JPH2: variants seen among roughly 807,000 people sequenced by gnomAD.
JPH2 encodes junctophilin-2.
A neutral mutation model predicts 55.9 loss-of-function variants in JPH2; 38 were observed. The ratio of observed to expected loss-of-function variants is 0.68; its 90% CI spans 0.52 to 0.89. JPH2 has a LOEUF of 0.89. JPH2 is among the 40% of genes least tolerant of loss of function. The pLI, the probability that JPH2 is intolerant of heterozygous loss-of-function variation, is 0.00. For missense variants in JPH2, 964 were observed against 1,037.6 expected, an observed-to-expected ratio of 0.93 and a Z score of 0.97; for synonymous variants, 480 against 472.4, an observed-to-expected ratio of 1.02 and a Z score of -0.21.
chr20:44,119,847 C>T (rs1264565234), intron 2 of JPH2, among the ~76,000 whole-genome samples: 1 of 148,328 alleles, frequency 6.7e-6, no homozygotes, highest in African/African-American at 2.5e-5. Flanking sequence ...GCATTCCAGC[C>T]TGGGCAACAG....
At position 44,185,669 on chromosome 20, in the gene JPH2, A is replaced by AGATGGATGGATG. The variant is rs34539425; in HGVS notation, c.379+646_379+657dup. Among the ~76,000 whole-genome samples, 1,397 of 148,034 alleles carry AGATGGATGGATG rather than the reference A, an allele frequency of 9.4e-3. 13 individuals carry two copies. The highest frequency in any genetic ancestry group is 0.022 in the African/African-American group (895 of 39,974). On this transcript the variant is annotated intron_variant, in intron 1 of 5. Transcript: ENST00000372980. ...AAAAAAGAATCCATGGATGGATCAT[A>AGATGGATGGATG]GATGGATGGATGGATGGATGGATGG...
At position 44,115,909 on chromosome 20, in the gene JPH2, A is replaced by G; in HGVS notation, c.1766T>C (p.Val589Ala). Residue 589 changes from valine (V) to alanine (A), a missense_variant, in exon 4 of 6, where the codon GTC (valine) becomes GCC (alanine). Coordinates refer to ENST00000372980, the MANE Select transcript of JPH2 (RefSeq NM_020433.5). ...CGAGGGCGCGGACTCGGACCCGGAG[A>G]CCTCGGGCTCGGGCTGGTCCTCAAA... Reference protein sequence around the residue: ...PPFEDQPEPEVSGSESAPSSP... With the variant: ...PPFEDQPEPEASGSESAPSSP... 1 of 1,572,652 alleles carries G rather than the reference A, an allele frequency of 6.4e-7. No individual in the cohort carries two copies.
intron 2 of JPH2, among the ~76,000 whole-genome samples, chr20:44,154,325 A>G (rs1378578266): frequency 1.3e-5 from 2 of 152,266 alleles, no homozygotes; most frequent in Non-Finnish European, 2.9e-5. Context: ...TAACCATTTC[A>G]ATATGTAATC....
rs1375227453 is a variant in JPH2, at chr20:44,110,679, C to T, written c.*2839G>A. ...CTCCTGACCTCAAGTGATCCACCTGCCTCAGCCTCCTCTAACGTGCTGGAA... is the reference window on the plus strand; with the variant it reads ...CTCCTGACCTCAAGTGATCCACCTGTCTCAGCCTCCTCTAACGTGCTGGAA... On this transcript the variant is annotated 3_prime_UTR_variant, in exon 6 of 6. Coordinates refer to ENST00000372980, the MANE Select transcript of JPH2 (RefSeq NM_020433.5). Among the ~76,000 whole-genome samples the T allele has an allele frequency of 6.6e-6, 1 of 152,208 alleles. No individual in the cohort carries two copies. Among genetic ancestry groups the T allele is most frequent in the African/African-American group, 2.4e-5 (1 of 41,434 alleles).
rs536521763 is a variant in JPH2 at position 44,109,004 on chromosome 20, A to G, written c.*4514T>C. Among the ~76,000 whole-genome samples the G allele has an allele frequency of 1.3e-5, 2 of 152,318 alleles. No homozygotes were observed. Among genetic ancestry groups the G allele is most frequent in the East Asian group, 3.9e-4 (2 of 5,186 alleles). On this transcript the variant is annotated 3_prime_UTR_variant, in exon 6 of 6. Transcript: ENST00000372980. ...CTTCCTTCCCTGAACTCCTTCAGGA[A>G]TTCTGAATCATCACATCCACTAATA...
At chr20:44,155,433 T>G (rs946465687) in intron 2 of JPH2, among the ~76,000 whole-genome samples, 12 of 152,198 alleles carry the variant, frequency 7.9e-5, no homozygotes, top group African/African-American at 2.7e-4. Context: ...TGTAATTATT[T>G]AAAATGTTCC....
At chr20:44,161,613 A>G (rs550896806) in intron 1 of JPH2, among the ~76,000 whole-genome samples, 76 of 152,054 alleles carry the variant, frequency 5.0e-4, no homozygotes, top group African/African-American at 1.8e-3. Context: ...GGTTTAAATG[A>G]GTTAATGTCT....
chr20:44,167,079 T>G (rs953140963), intron 1 of JPH2, among the ~76,000 whole-genome samples: 4 of 152,248 alleles, frequency 2.6e-5, no homozygotes, highest in African/African-American at 9.6e-5. Context: ...CAACTTCTAT[T>G]GACAGTTCTA....
At chr20:44,143,318 C>T (rs2072471447) in intron 2 of JPH2, among the ~76,000 whole-genome samples, 1 of 152,104 alleles carries the variant, frequency 6.6e-6, no homozygotes, top group African/African-American at 2.4e-5. Flanking sequence ...CCTGTGTCTA[C>T]CCCTAGTTTC....
intron 2 of JPH2, among the ~76,000 whole-genome samples, chr20:44,128,922 T>C (rs1445383027): frequency 6.6e-6 from 1 of 152,210 alleles, no homozygotes; most frequent in African/African-American, 2.4e-5. Context: ...TGAAATTCTC[T>C]GTGCTTTGAT....
intron 1 of JPH2, among the ~76,000 whole-genome samples, chr20:44,174,822 T>C (rs995692788): frequency 3.9e-5 from 6 of 151,954 alleles, no homozygotes; most frequent in African/African-American, 1.5e-4. Context: ...TCAACCCCTG[T>C]CTCTACTGAA....
chr20:44,115,640 G>A (rs1281096036), intron 4 of JPH2, 25 bp downstream of exon 4: 6 of 1,611,644 alleles, frequency 3.7e-6, no homozygotes, highest in African/African-American at 1.3e-5. Flanking sequence ...CCCGACCTTA[G>A]GCACACCTTG....
intron 1 of JPH2, chr20:44,177,343 G>C (rs2072742893): frequency 1.0e-6 from 1 of 987,104 alleles, no homozygotes; most frequent in East Asian, 1.1e-4. Context: ...CCTGCTCCGG[G>C]GAACAGCTGC....
At chr20:44,121,068 GA>G (rs5841545) in intron 2 of JPH2, among the ~76,000 whole-genome samples, 77,903 of 152,076 alleles carry the variant, frequency 0.51, 20,136 homozygotes, top group East Asian at 0.64. Context: ...AGGAGGAGTA[GA>G]GAATACAATG....
intron 2 of JPH2, among the ~76,000 whole-genome samples, chr20:44,136,446 T>C (rs1236599739): frequency 1.3e-5 from 2 of 151,758 alleles, no homozygotes; most frequent in Non-Finnish European, 2.9e-5. Context: ...ATCGCCATCA[T>C]CATCATCAAC....
intron 2 of JPH2, among the ~76,000 whole-genome samples, chr20:44,124,960 T>A (rs1476335825): frequency 1.3e-5 from 2 of 149,740 alleles, no homozygotes; most frequent in Non-Finnish European, 3.0e-5. Context: ...AATACAAAAA[T>A]CAGCTGGGCA....
rs1010253760 is a variant in JPH2 at position 44,147,451 on chromosome 20, T to C, written c.1169+12167A>G. On this transcript the variant is annotated intron_variant, in intron 2 of 5. Coordinates refer to ENST00000372980, the MANE Select transcript of JPH2 (RefSeq NM_020433.5). ...GGAAGATAAATCTACATGCATAACA[T>C]AAAAAGATCTCAAAACATATTACAT... Among the ~76,000 whole-genome samples the C allele has an allele frequency of 2.6e-5, 4 of 152,252 alleles. No individual in the cohort carries two copies. The South Asian group carries it at 8.3e-4, about 32-fold the overall frequency.
intron 1 of JPH2, among the ~76,000 whole-genome samples, chr20:44,172,795 C>T (rs751439569): frequency 5.3e-5 from 8 of 152,158 alleles, no homozygotes; most frequent in Non-Finnish European, 1.2e-4. Context: ...AGCTCAATAA[C>T]CCATATTTAA....
At position 44,134,901 on chromosome 20, in the gene JPH2, T is replaced by A. The variant is rs74387074; in HGVS notation, c.1170-16278A>T. 2.4e-3 allele frequency among the ~76,000 whole-genome samples: 180 copies of A among 76,018 alleles called. 1 individual carries two copies. The highest frequency in any genetic ancestry group is 3.9e-3 in the Non-Finnish European group (165 of 41,892). The allele number at this position is 76,018 out of a possible 152,430, so 49.9% of individuals were successfully genotyped here. On this transcript the variant is annotated intron_variant, in intron 2 of 5. Coordinates refer to ENST00000372980, the MANE Select transcript of JPH2 (RefSeq NM_020433.5). ...TTATATATATATTAATATATATTTA[T>A]ATATATATATAAAATATATATATTT...
Sources: gnomAD v4.1 joint callset for allele counts (sites outside exome capture counted in the v4.1 genomes callset) on GRCh38, gnomAD v4.1.1 for gene constraint, MANE v1.5 for transcripts, NCBI Gene and HGNC (gene_info 2026-07-23, HGNC 2026-07-21) for gene names.